Variants in ZFYVE9 observed in about 807,000 individuals in gnomAD.
ZFYVE9 encodes zinc finger FYVE domain-containing protein 9.
Under a neutral mutation model 126.7 loss-of-function variants are expected in ZFYVE9, and 43 were observed. That is an observed-to-expected ratio of 0.34 (90% CI 0.27 to 0.44). ZFYVE9 has a LOEUF of 0.44. ZFYVE9 is among the 20% of genes least tolerant of loss of function. The probability of loss-of-function intolerance (pLI) is 1.00; values close to 1 mark genes in which losing one functional copy is unlikely to be tolerated. For synonymous variants in ZFYVE9, 521 were observed against 597.4 expected (o/e 0.87, Z 1.87); for missense variants, 1,476 against 1,697.0 (o/e 0.87, Z 2.29).
chr1:52,164,847 GGATTTGAGAT>G (rs1413111335), intron 1 of ZFYVE9, among the ~76,000 whole-genome samples: 1 of 152,142 alleles, frequency 6.6e-6, no homozygotes, highest in Non-Finnish European at 1.5e-5. Flanking sequence ...CAGCCTTTCA[GGATTTGAGAT>G]TCTTAGCAGT....
At chr1:52,209,643 C>T (rs997983721) in intron 1 of ZFYVE9, among the ~76,000 whole-genome samples, 5 of 151,998 alleles carry the variant, frequency 3.3e-5, no homozygotes, top group African/African-American at 1.2e-4. Context: ...TTTTCAAGGT[C>T]CATTCATGTT....
intron 1 of ZFYVE9, among the ~76,000 whole-genome samples, chr1:52,161,533 C>T (rs1190648387): frequency 1.3e-5 from 2 of 152,114 alleles, no homozygotes; most frequent in Non-Finnish European, 2.9e-5. Flanking sequence ...TCAGGCAATC[C>T]GCCTGCCTCA....
intron 12 of ZFYVE9, among the ~76,000 whole-genome samples, chr1:52,302,991 T>A (rs1182426561): frequency 6.6e-6 from 1 of 151,938 alleles, no homozygotes; most frequent in Non-Finnish European, 1.5e-5. Flanking sequence ...ACATATGTAA[T>A]CCCAGCTACT....
chr1:52,148,947 A>ATTTTTTTTT (rs56300233), intron 1 of ZFYVE9, among the ~76,000 whole-genome samples: 3 of 34,254 alleles, frequency 8.8e-5, no homozygotes, highest in Non-Finnish European at 1.2e-4. Flanking sequence ...CCTTAACATG[A>ATTTTTTTTT]TTTTTTTTTT....
At chr1:52,282,220 AT>A (rs1645811919) in intron 10 of ZFYVE9, among the ~76,000 whole-genome samples, 1 of 152,214 alleles carries the variant, frequency 6.6e-6, no homozygotes, top group South Asian at 2.1e-4. Flanking sequence ...ATACATGACT[AT>A]GGCTTCAAAA....
In ZFYVE9 at chr1:52,253,922, AT is replaced by A. The variant is rs1312404618; in HGVS notation, c.2179-9847del. ...AAGATTTCAGCCAAAGTAGGAAATA[AT>A]TTTCACAACCTTCAAGAAATTCGGC... is the stretch of plus-strand genomic sequence containing the variant. On this transcript the variant is annotated intron_variant, in intron 4 of 18. Transcript: ENST00000287727. 3 of 993,964 alleles carry A rather than the reference AT, an allele frequency of 3.0e-6. No individual in the cohort carries two copies. The Admixed American group carries it at 5.1e-5, about 17-fold the overall frequency. 61.6% of individuals were successfully genotyped at this position (993,964 alleles called of 1,614,324 possible).
At chr1:52,341,695 C>A (rs945414579) in intron 17 of ZFYVE9, among the ~76,000 whole-genome samples, 2 of 151,932 alleles carry the variant, frequency 1.3e-5, no homozygotes, top group Non-Finnish European at 2.9e-5. Flanking sequence ...AAACAGAGAC[C>A]CAGGGTTGTT....
chr1:52,239,323 T>G lies in ZFYVE9; in HGVS notation c.1906T>G (p.Leu636Val), dbSNP rs772651710. The change falls in exon 4 of 19, where the codon TTG (leucine) becomes GTG (valine). Residue 636 changes from leucine to valine, a missense_variant. Transcript: ENST00000287727. ...NSATNVCSPSLGNISNVDTNG... is the reference protein window; with the variant it reads ...NSATNVCSPSVGNISNVDTNG... ...AGCAACCAATGTATGCAGTCCATCT[T>G]TGGGAAACATCTCTAATGTCGATAC... 10 of 1,614,182 alleles carry G rather than the reference T, an allele frequency of 6.2e-6. No homozygotes were observed. The South Asian group carries it at 9.9e-5, about 16-fold the overall frequency.
chr1:52,272,641 A>G (rs898659018), intron 7 of ZFYVE9, among the ~76,000 whole-genome samples: 1 of 146,476 alleles, frequency 6.8e-6, no homozygotes, highest in Admixed American at 6.7e-5. Context: ...GTTTTTGGCT[A>G]TTATGAATGA....
intron 13 of ZFYVE9, among the ~76,000 whole-genome samples, chr1:52,309,958 G>C (rs956203378): frequency 6.6e-6 from 1 of 152,066 alleles, no homozygotes; most frequent in Non-Finnish European, 1.5e-5. Context: ...AGGTCACCTG[G>C]TTCATATATA....
At chr1:52,151,865 T>C (rs771728501) in intron 1 of ZFYVE9, among the ~76,000 whole-genome samples, 1 of 152,204 alleles carries the variant, frequency 6.6e-6, no homozygotes, top group Admixed American at 6.5e-5. Context: ...AGATGTTCTT[T>C]AGTCAAATAA....
rs1445729872 is a variant in ZFYVE9 at position 52,142,560 on chromosome 1, C to T, written c.-143+157C>T. Among the ~76,000 whole-genome samples, 2 of 152,124 alleles carry T rather than the reference C, an allele frequency of 1.3e-5. No individual in the cohort carries two copies. Among genetic ancestry groups the T allele is most frequent in the Non-Finnish European group, 2.9e-5 (2 of 68,002 alleles). On this transcript the variant is annotated intron_variant, in intron 1 of 18. Coordinates refer to ENST00000287727, the MANE Select transcript of ZFYVE9 (RefSeq NM_004799.4). The surrounding 1 kb of genome is among the most constrained non-coding windows in gnomAD (Gnocchi z 4.5). ...GGCCTCAGCCCTTTCTCCCCGCGTCCCCCGGGAGGCTGAAGGCCGTGGGGG... is the reference window on the plus strand; with the variant it reads ...GGCCTCAGCCCTTTCTCCCCGCGTCTCCCGGGAGGCTGAAGGCCGTGGGGG...
At chr1:52,228,912 C>T (rs541181615) in intron 2 of ZFYVE9, among the ~76,000 whole-genome samples, 3 of 148,260 alleles carry the variant, frequency 2.0e-5, no homozygotes, top group East Asian at 2.0e-4. Flanking sequence ...TTTTTAAAGA[C>T]GAGGTCTTGC....
intron 10 of ZFYVE9, among the ~76,000 whole-genome samples, chr1:52,286,783 C>T (rs1458357177): frequency 2.0e-5 from 3 of 152,224 alleles, no homozygotes; most frequent in Non-Finnish European, 4.4e-5. Context: ...TGTGCTCCAA[C>T]ATTCAGTATT....
chr1:52,222,928 C>CT (rs1320257799), intron 2 of ZFYVE9, among the ~76,000 whole-genome samples: 1 of 152,138 alleles, frequency 6.6e-6, no homozygotes, highest in Admixed American at 6.6e-5. Context: ...CCGACTTATT[C>CT]TTATATTTGA....
At chr1:52,281,621 T>A (rs1176554436) in intron 9 of ZFYVE9, 40 bp from the exon 10 acceptor site, 1 of 1,607,026 alleles carries the variant, frequency 6.2e-7, no homozygotes, top group Non-Finnish European at 8.5e-7. Context: ...TAAGGATTGA[T>A]AGGAATGTCT....
chr1:52,253,616 A>G, intron 4 of ZFYVE9: 1 of 1,302,696 alleles, frequency 7.7e-7, no homozygotes, highest in Non-Finnish European at 1.1e-6. Context: ...CAGAATACTT[A>G]AAAAATGACC....
rs1645308180 is a variant in ZFYVE9, at chr1:52,239,150, G to A, written c.1733G>A (p.Gly578Asp). The change falls in exon 4 of 19, where the codon GGT becomes GAT. Residue 578 changes from glycine to aspartate, a missense_variant. Gly to Asp is a moderately conservative substitution (Grantham distance 94). This residue lies in a region of ZFYVE9 where 807 missense variants were observed against 794.6 expected (regional missense o/e 1.02). Transcript: ENST00000287727. ...SLPSISVPFG[G>D]ARPKQPSNLK... ...CCATCTATCAGTGTTCCTTTTGGTGGTGCAAGACCCAAGCAACCTTCTAAT... is the reference window on the plus strand; with the variant it reads ...CCATCTATCAGTGTTCCTTTTGGTGATGCAAGACCCAAGCAACCTTCTAAT... 8 of 1,613,912 alleles carry A rather than the reference G, an allele frequency of 5.0e-6. No homozygotes were observed. Among genetic ancestry groups the A allele is most frequent in the Non-Finnish European group, 5.9e-6 (7 of 1,179,994 alleles).
intron 10 of ZFYVE9, among the ~76,000 whole-genome samples, chr1:52,285,596 A>C (rs1177637477): frequency 6.6e-6 from 1 of 152,138 alleles, no homozygotes; most frequent in Non-Finnish European, 1.5e-5. Flanking sequence ...CTAATGCCTG[A>C]TAATCTGTCA....
Sources: gnomAD v4.1 joint callset for allele counts (sites outside exome capture counted in the v4.1 genomes callset) on GRCh38, gnomAD v4.1.1 for gene constraint, gnomAD v4.1.1 regional missense constraint, Gnocchi (gnomAD v3.1) non-coding constraint, MANE v1.5 for transcripts, NCBI Gene and HGNC (gene_info 2026-07-23, HGNC 2026-07-21) for gene names.